PCDH15: variants seen among roughly 807,000 people sequenced by gnomAD.
The protein encoded by PCDH15 is protocadherin-15.
In PCDH15, 129 loss-of-function variants were observed where a neutral mutation model predicts 178.5. The ratio of observed to expected loss-of-function variants is 0.72; its 90% confidence interval spans 0.63 to 0.84. The LOEUF (loss-of-function observed/expected upper bound fraction) is 0.84. PCDH15 is among the 40% of genes least tolerant of loss of function. The pLI, the probability that PCDH15 is intolerant of heterozygous loss-of-function variation, is 0.00. For synonymous variants in PCDH15, 800 were observed against 732.0 expected, an observed-to-expected ratio of 1.09 and a Z score of -1.50; for missense variants, 2,230 against 2,099.9, an observed-to-expected ratio of 1.06 and a Z score of -1.21.
intron 1 of PCDH15, among the ~76,000 whole-genome samples, chr10:55,252,224 A>G (rs1045140814): frequency 5.3e-4 from 81 of 152,224 alleles, no homozygotes; most frequent in African/African-American, 1.8e-3. Context: ...AAAATCCCCA[A>G]AACATTCAGA....
intron 3 of PCDH15, among the ~76,000 whole-genome samples, chr10:54,503,897 T>C (rs1589755394): frequency 6.6e-6 from 1 of 152,144 alleles, no homozygotes; most frequent in Admixed American, 6.6e-5. Flanking sequence ...GAAAACAGGA[T>C]CCCAACAACT....
intron 3 of PCDH15, among the ~76,000 whole-genome samples, chr10:54,509,173 G>T (rs1565456235): frequency 6.6e-6 from 1 of 151,920 alleles, no homozygotes; most frequent in Non-Finnish European, 1.5e-5. Flanking sequence ...GTTTGATATG[G>T]TTTCTCTGTG....
At chr10:54,944,946 G>T (rs1432367455) in intron 2 of PCDH15, among the ~76,000 whole-genome samples, 1 of 151,688 alleles carries the variant, frequency 6.6e-6, no homozygotes. Context: ...TATTTACACT[G>T]TAAGCAGTCC....
chr10:54,286,547 C>T (rs1264662624), intron 8 of PCDH15, among the ~76,000 whole-genome samples: 1 of 152,188 alleles, frequency 6.6e-6, no homozygotes, highest in Non-Finnish European at 1.5e-5. Context: ...CTTGAGTAAT[C>T]TAACTACTTT....
intron 2 of PCDH15, among the ~76,000 whole-genome samples, chr10:54,948,705 T>A (rs1255295836): frequency 1.3e-5 from 2 of 151,932 alleles, no homozygotes; most frequent in Non-Finnish European, 2.9e-5. Flanking sequence ...TCAGGCTCCA[T>A]AATTAAGTAA....
chr10:53,808,239 A>G (rs1235875515), intron 37 of PCDH15: 1 of 218,026 alleles, frequency 4.6e-6, no homozygotes, highest in Non-Finnish European at 7.8e-6. Flanking sequence ...CATATATGCA[A>G]AAGTAGACGA....
chr10:54,648,897 T>A (rs1038848488), intron 2 of PCDH15, among the ~76,000 whole-genome samples: 1 of 152,134 alleles, frequency 6.6e-6, no homozygotes. Flanking sequence ...TACAACCACA[T>A]AAAATATTGA....
At chr10:55,135,109 C>A (rs1232932919) in intron 2 of PCDH15, among the ~76,000 whole-genome samples, 1 of 152,080 alleles carries the variant, frequency 6.6e-6, no homozygotes, top group Middle Eastern at 3.4e-3. Flanking sequence ...ATTAAACAAC[C>A]ATTGAGTTTC....
chr10:55,599,860 G>C (rs1333339090), intron 2 of PCDH15: 4 of 1,341,222 alleles, frequency 3.0e-6, no homozygotes, highest in Non-Finnish European at 4.0e-6. Context: ...ACTTGCAAAG[G>C]TAGCATAATC....
intron 12 of PCDH15, among the ~76,000 whole-genome samples, chr10:54,184,279 A>T (rs189772753): frequency 2.0e-5 from 3 of 152,256 alleles, no homozygotes; most frequent in African/African-American, 7.2e-5. Context: ...TTTTCTATGT[A>T]GGCTTCTCCA....
chr10:54,288,158 CCAAAAACA>C (rs1490982226), intron 8 of PCDH15, among the ~76,000 whole-genome samples: 1 of 151,836 alleles, frequency 6.6e-6, no homozygotes, highest in Non-Finnish European at 1.5e-5. Flanking sequence ...CCCATCTCTA[CCAAAAACA>C]CAAAAATTAG....
chr10:54,995,070 G>C (rs1839603129), intron 2 of PCDH15, among the ~76,000 whole-genome samples: 1 of 151,986 alleles, frequency 6.6e-6, no homozygotes, highest in Non-Finnish European at 1.5e-5. Flanking sequence ...GTATATTCTG[G>C]GGAAGAGGTT....
At chr10:55,077,453 TTCC>T (rs1841933629) in intron 2 of PCDH15, among the ~76,000 whole-genome samples, 4 of 145,538 alleles carry the variant, frequency 2.7e-5, no homozygotes, top group African/African-American at 8.2e-5. Context: ...CTTCCTTCCC[TTCC>T]TTCCTTCCTT....
At chr10:54,291,291 C>T (rs1001470670) in intron 8 of PCDH15, among the ~76,000 whole-genome samples, 3 of 152,168 alleles carry the variant, frequency 2.0e-5, no homozygotes, top group African/African-American at 7.2e-5. Context: ...AAAGACACAA[C>T]ATTCCAGAAT....
chr10:55,130,871 A>G (rs1466864503), intron 2 of PCDH15, among the ~76,000 whole-genome samples: 1 of 152,132 alleles, frequency 6.6e-6, no homozygotes, highest in Non-Finnish European at 1.5e-5. Context: ...CTTGGTGGAA[A>G]ACAGGAGGAA....
At chr10:54,400,419 G>T (rs1435798665) in intron 3 of PCDH15, among the ~76,000 whole-genome samples, 1 of 151,868 alleles carries the variant, frequency 6.6e-6, no homozygotes. Context: ...CACTCTACTA[G>T]CCCTAATTAT....
chr10:54,174,348 C>T (rs544172048), intron 13 of PCDH15, among the ~76,000 whole-genome samples: 62 of 151,506 alleles, frequency 4.1e-4, no homozygotes, highest in Non-Finnish European at 6.9e-4. Context: ...CTGGCTAACA[C>T]GGTGAAACCC....
intron 1 of PCDH15, among the ~76,000 whole-genome samples, chr10:54,796,323 A>G (rs1358202005): frequency 1.0e-5 from 1 of 95,372 alleles, no homozygotes; most frequent in Non-Finnish European, 2.3e-5. Context: ...TCTATCTATC[A>G]TCATCATCTA....
intron 2 of PCDH15, among the ~76,000 whole-genome samples, chr10:54,957,060 C>T (rs185159277): frequency 6.6e-6 from 1 of 151,616 alleles, no homozygotes. Flanking sequence ...ATTTGTGTTA[C>T]AGTTCTGCTC....
Sources: gnomAD v4.1 joint callset for allele counts (sites outside exome capture counted in the v4.1 genomes callset) on GRCh38, gnomAD v4.1.1 for gene constraint, MANE v1.5 for transcripts, NCBI Gene and HGNC (gene_info 2026-07-23, HGNC 2026-07-21) for gene names.